The following NFIL3 variants were observed in gnomAD, a reference collection of about 807,000 sequenced individuals.
NFIL3 encodes nuclear factor, interleukin 3 regulated.
In NFIL3, 5 loss-of-function variants were observed where a neutral mutation model predicts 10.0. That is an observed-to-expected ratio of 0.50 (90% CI 0.26 to 1.06). The LOEUF (loss-of-function observed/expected upper bound fraction) is 1.06. NFIL3 is among the 50% of genes least tolerant of loss of function. The pLI is 0.13. For missense variants in NFIL3, 436 were observed against 547.6 expected (o/e 0.80, Z 2.03); for synonymous variants, 202 against 206.5 (o/e 0.98, Z 0.19).
At chr9:91,482,788 C>A in the NFIL3 span, among the ~76,000 whole-genome samples, 6 of 152,128 alleles carry the variant, frequency 3.9e-5, no homozygotes, top group Non-Finnish European at 8.8e-5. Context: ...AGGTGTGAGC[C>A]ACCATGCCCA....
the NFIL3 span, among the ~76,000 whole-genome samples, chr9:91,453,821 A>T: frequency 6.6e-6 from 1 of 152,242 alleles, no homozygotes; most frequent in South Asian, 2.1e-4. Flanking sequence ...CTTGAGATTT[A>T]TCTTTTTAGC....
the NFIL3 span, among the ~76,000 whole-genome samples, chr9:91,457,820 T>G: frequency 3.3e-5 from 5 of 152,128 alleles, no homozygotes; most frequent in African/African-American, 1.2e-4. Context: ...TTGTAGGTAC[T>G]CTTTTTAAGT....
the NFIL3 span, among the ~76,000 whole-genome samples, chr9:91,430,750 A>G: frequency 2.2e-3 from 339 of 152,210 alleles, no homozygotes; most frequent in Non-Finnish European, 3.8e-3. Flanking sequence ...AGCTCAAGCA[A>G]TCCTCCTGCC....
At chr9:91,429,075 A>G in the NFIL3 span, among the ~76,000 whole-genome samples, 7 of 152,362 alleles carry the variant, frequency 4.6e-5, no homozygotes, top group South Asian at 1.0e-3. Flanking sequence ...AAATTGTGAA[A>G]TATGTTCTAA....
At position 91,409,955 on chromosome 9, in the gene NFIL3, T is replaced by G; in HGVS notation, c.780A>C (p.Pro260=). 1 of 1,613,766 alleles carries G rather than the reference T, an allele frequency of 6.2e-7. No individual in the cohort carries two copies. Among genetic ancestry groups the G allele is most frequent in the Non-Finnish European group, 8.5e-7 (1 of 1,180,020 alleles). Residue 260 remains proline (P), a synonymous_variant, in exon 2 of 2, where the codon CCA becomes CCC. Transcript: ENST00000297689. ...TGGAGGATCGGTTGACTTGCAGTAG[T>G]GGGGGAGAGTGTGAGTACCCAGAGA... ...NSFSGYSHSP[P]LLQVNRSSSN... is the part of the protein sequence containing the mutation.
the NFIL3 span, among the ~76,000 whole-genome samples, chr9:91,429,802 C>T: frequency 6.6e-6 from 1 of 152,044 alleles, no homozygotes; most frequent in Non-Finnish European, 1.5e-5. Flanking sequence ...AAAGAGCCAG[C>T]TCTCGGGCAG....
chr9:91,450,217 C>CTCT, the NFIL3 span, among the ~76,000 whole-genome samples: 2 of 152,036 alleles, frequency 1.3e-5, no homozygotes, highest in Non-Finnish European at 2.9e-5. Context: ...TGCTATCTAA[C>CTCT]CTTTATTCTT....
chr9:91,424,997 T>C (rs1169366818), upstream of NFIL3, among the ~76,000 whole-genome samples: 1 of 152,212 alleles, frequency 6.6e-6, no homozygotes, highest in East Asian at 1.9e-4. Flanking sequence ...GCACACTCCC[T>C]GCGTTTACCG....
rs769543332 is a variant in NFIL3, at chr9:91,409,941, T to G, written c.794A>C (p.Asn265Thr). 1 of 1,613,842 alleles carries G rather than the reference T, an allele frequency of 6.2e-7. No homozygotes were observed. The highest frequency in any genetic ancestry group is 8.5e-7 in the Non-Finnish European group (1 of 1,179,992). ...YSHSPPLLQV[N>T]RSSSNSPRTS... Reference sequence around the variant, plus strand: ...TCTCGGGGAGTTGCTGGAGGATCGGTTGACTTGCAGTAGTGGGGGAGAGTG... The same window carrying G: ...TCTCGGGGAGTTGCTGGAGGATCGGGTGACTTGCAGTAGTGGGGGAGAGTG... The change falls in exon 2 of 2, where the codon AAC becomes ACC. Residue 265 changes from asparagine (N) to threonine (T), a missense_variant. By Grantham distance (65) the Asn-to-Thr change is moderately conservative (BLOSUM62 0). This residue lies in a region of NFIL3 where 338 missense variants were observed against 399.9 expected (regional missense o/e 0.85). Coordinates refer to ENST00000297689, the MANE Select transcript of NFIL3 (RefSeq NM_005384.3).
rs368410334 is a variant in NFIL3, at chr9:91,410,438, C to T, written c.297G>A (p.Leu99=). The change falls in exon 2 of 2, where the codon CTG becomes CTA. Residue 99 remains leucine, a synonymous_variant. Coordinates refer to ENST00000297689, the MANE Select transcript of NFIL3 (RefSeq NM_005384.3). This position sits in a 1 kb window ranked among gnomAD's most constrained non-coding sequence, Gnocchi z 5.7. ...GTGCAATTAGTTTGTTCTCTAAAAC[C>T]AGGTCATTCAGTCGACGCTTCTCAC... ...RSREKRRLND[L]VLENKLIALG... is the part of the protein sequence containing the mutation. 6.2e-7 allele frequency: 1 copy of T among 1,614,114 alleles called. No homozygotes were observed. Among genetic ancestry groups the T allele is most frequent in the Non-Finnish European group, 8.5e-7 (1 of 1,180,006 alleles).
At chr9:91,416,724 T>C (rs1250116929) in intron 1 of NFIL3, among the ~76,000 whole-genome samples, 1 of 152,230 alleles carries the variant, frequency 6.6e-6, no homozygotes, top group Non-Finnish European at 1.5e-5. Flanking sequence ...CATCACTAAT[T>C]AATGCTTTTG....
chr9:91,479,800 C>T, the NFIL3 span, among the ~76,000 whole-genome samples: 2 of 152,356 alleles, frequency 1.3e-5, no homozygotes, highest in South Asian at 4.1e-4. Flanking sequence ...CCAAGGGAAT[C>T]TCCTGGTCTG....
At chr9:91,477,396 G>T in the NFIL3 span, among the ~76,000 whole-genome samples, 1 of 152,162 alleles carries the variant, frequency 6.6e-6, no homozygotes, top group African/African-American at 2.4e-5. Context: ...ATGTGATGAG[G>T]TTAGGTCAGC....
At chr9:91,450,789 T>C in the NFIL3 span, among the ~76,000 whole-genome samples, 1 of 152,208 alleles carries the variant, frequency 6.6e-6, no homozygotes, top group African/African-American at 2.4e-5. Context: ...CTGTTCATTA[T>C]TGAAAGTGGA....
At chr9:91,461,998 A>T in the NFIL3 span, among the ~76,000 whole-genome samples, 1 of 152,128 alleles carries the variant, frequency 6.6e-6, no homozygotes, top group Non-Finnish European at 1.5e-5. Flanking sequence ...GTCAACATTA[A>T]CAAAATGGGG....
upstream of NFIL3, among the ~76,000 whole-genome samples, chr9:91,424,181 C>A (rs901410575): frequency 5.9e-5 from 9 of 152,022 alleles, no homozygotes; most frequent in African/African-American, 1.7e-4. Flanking sequence ...GGGAGCCCCC[C>A]GTCCCACCGC....
chr9:91,446,792 T>TTCTC, the NFIL3 span, among the ~76,000 whole-genome samples: 109 of 145,674 alleles, frequency 7.5e-4, 1 homozygote, highest in East Asian at 6.2e-3. Flanking sequence ...CTCCCTCCCT[T>TTCTC]TCTCTCTCTC....
the NFIL3 span, among the ~76,000 whole-genome samples, chr9:91,471,149 A>G: frequency 4.2e-4 from 64 of 151,910 alleles, 1 homozygote; most frequent in Non-Finnish European, 1.6e-4. Context: ...TATTGTGTGG[A>G]AGTCTAAGTC....
At chr9:91,472,393 T>C in the NFIL3 span, among the ~76,000 whole-genome samples, 1 of 152,310 alleles carries the variant, frequency 6.6e-6, no homozygotes, top group Middle Eastern at 3.4e-3. Flanking sequence ...CTTGGAGGCT[T>C]TGTTAATTTC....
Sources: gnomAD v4.1 joint callset for allele counts (sites outside exome capture counted in the v4.1 genomes callset) on GRCh38, gnomAD v4.1.1 for gene constraint, gnomAD v4.1.1 regional missense constraint, Gnocchi (gnomAD v3.1) non-coding constraint, MANE v1.5 for transcripts, NCBI Gene and HGNC (gene_info 2026-07-23, HGNC 2026-07-21) for gene names.